The following PDE1C variants were observed in gnomAD, a reference collection of about 807,000 sequenced individuals.
The protein encoded by PDE1C is phosphodiesterase 1C, also known as dual specificity calcium/calmodulin-dependent 3',5'-cyclic nucleotide phosphodiesterase 1C.
PDE1C carries 62 observed loss-of-function variants against 93.1 expected under a neutral mutation model. That is an observed-to-expected ratio of 0.67 (90% CI 0.54 to 0.82). PDE1C has a LOEUF of 0.82. Among genes scored for constraint, PDE1C ranks in the 40% least tolerant of loss-of-function variants. The probability of loss-of-function intolerance (pLI) is 0.00; values close to 1 mark genes in which losing one functional copy is unlikely to be tolerated. For synonymous variants in PDE1C, 325 were observed against 310.1 expected (o/e 1.05, Z -0.50); for missense variants, 742 against 884.6 (o/e 0.84, Z 2.04).
chr7:32,331,249 G>T (rs1283053073), intron 1 of PDE1C, among the ~76,000 whole-genome samples: 1 of 152,192 alleles, frequency 6.6e-6, no homozygotes, highest in African/African-American at 2.4e-5. Flanking sequence ...CCACTTGAAA[G>T]AGGCACTGAG....
At chr7:32,253,718 G>A (rs1269588746) in intron 1 of PDE1C, among the ~76,000 whole-genome samples, 1 of 152,146 alleles carries the variant, frequency 6.6e-6, no homozygotes, top group African/African-American at 2.4e-5. Flanking sequence ...TTACAGACAT[G>A]GGGAGATGAT....
intron 1 of PDE1C, among the ~76,000 whole-genome samples, chr7:32,241,296 C>G (rs2159239): frequency 0.99 from 150,354 of 152,328 alleles, 74,241 homozygotes; most frequent in Middle Eastern, 1. Flanking sequence ...TTAACCTTGA[C>G]GCAGCACAGC....
upstream of PDE1C, chr7:32,071,064 G>C: frequency 5.1e-6 from 5 of 985,432 alleles, no homozygotes; most frequent in Non-Finnish European, 6.0e-6. Flanking sequence ...CTGTCACCGC[G>C]GGCGCGGAGG....
intron 1 of PDE1C, among the ~76,000 whole-genome samples, chr7:32,341,889 T>C (rs1219801352): frequency 6.6e-6 from 1 of 152,160 alleles, no homozygotes; most frequent in Non-Finnish European, 1.5e-5. Context: ...TTGAGCAACT[T>C]ATTTAAACTT....
intron 2 of PDE1C, among the ~76,000 whole-genome samples, chr7:32,026,242 C>T (rs1789421624): frequency 6.6e-6 from 1 of 152,108 alleles, no homozygotes; most frequent in African/African-American, 2.4e-5. Context: ...CTTTGGTTGC[C>T]AGCCCCACAG....
intron 1 of PDE1C, among the ~76,000 whole-genome samples, chr7:32,294,808 A>C (rs1275836175): frequency 6.6e-6 from 1 of 152,198 alleles, no homozygotes; most frequent in Non-Finnish European, 1.5e-5. Flanking sequence ...ACCTCACCAG[A>C]GTCAATTTAC....
intron 3 of PDE1C, among the ~76,000 whole-genome samples, chr7:32,085,771 G>C (rs1226712278): frequency 6.6e-6 from 1 of 151,708 alleles, no homozygotes; most frequent in Non-Finnish European, 1.5e-5. Context: ...TATCTCAATA[G>C]ATGCAGAAAA....
intron 2 of PDE1C, among the ~76,000 whole-genome samples, chr7:31,972,593 G>A (rs1055437359): frequency 2.6e-5 from 4 of 152,056 alleles, no homozygotes; most frequent in East Asian, 1.9e-4. Context: ...TGGACAAGAC[G>A]GCATAGACTC....
chr7:31,653,006 G>C, the PDE1C span: 1 of 1,417,862 alleles, frequency 7.1e-7, no homozygotes, highest in East Asian at 2.5e-5. Context: ...TACTCATTCA[G>C]TATAGAATAA....
intron 2 of PDE1C, among the ~76,000 whole-genome samples, chr7:31,936,061 T>C (rs1044543234): frequency 6.6e-6 from 1 of 152,202 alleles, no homozygotes. Context: ...CATTTCCCAC[T>C]TTTACTCCAA....
At chr7:31,680,644 G>A in the PDE1C span, among the ~76,000 whole-genome samples, 1 of 152,164 alleles carries the variant, frequency 6.6e-6, no homozygotes, top group Non-Finnish European at 1.5e-5. Flanking sequence ...GAGTAACTGT[G>A]GCCCTTTGGA....
chr7:31,828,383 T>C lies in PDE1C; in HGVS notation c.1204-10A>G, dbSNP rs1319128927. On this transcript the variant is annotated splice_polypyrimidine_tract_variant and intron_variant, in intron 11 of 17. Transcript: ENST00000396191. ...CTGCTTCTCTGTCACCCTGGAAAAA[T>C]AAAAGGTCATAGTAAATTAAGGAAC... 6.2e-7 allele frequency: 1 copy of C among 1,609,144 alleles called. No homozygotes were observed. The highest frequency in any genetic ancestry group is 1.7e-5 in the Admixed American group (1 of 59,792).
chr7:31,668,510 T>C, the PDE1C span, among the ~76,000 whole-genome samples: 12 of 151,708 alleles, frequency 7.9e-5, no homozygotes, highest in Admixed American at 2.6e-4. Flanking sequence ...AAAAAGGAAA[T>C]ACTGATATCT....
At chr7:31,657,056 C>T in the PDE1C span, among the ~76,000 whole-genome samples, 1 of 50,274 alleles carries the variant, frequency 2.0e-5, no homozygotes, top group Non-Finnish European at 4.1e-5. Context: ...CACACACACG[C>T]ACTATATATA....
At chr7:31,931,780 A>G (rs1020062816) in intron 2 of PDE1C, among the ~76,000 whole-genome samples, 5 of 152,266 alleles carry the variant, frequency 3.3e-5, no homozygotes, top group African/African-American at 4.8e-5. Context: ...CATATAGCCA[A>G]GACAATCCAA....
chr7:31,981,586 C>T (rs766997346), intron 2 of PDE1C, among the ~76,000 whole-genome samples: 2 of 152,178 alleles, frequency 1.3e-5, no homozygotes, highest in Non-Finnish European at 2.9e-5. Context: ...TTATGATCTA[C>T]AGTTTATCCC....
chr7:31,789,625 C>G (rs1784363846), intron 16 of PDE1C: 1 of 945,672 alleles, frequency 1.1e-6, no homozygotes. Context: ...AGAAAACAAA[C>G]AGAATTCTGT....
intron 3 of PDE1C, among the ~76,000 whole-genome samples, chr7:32,124,922 G>A (rs932464271): frequency 2.0e-5 from 3 of 152,284 alleles, no homozygotes; most frequent in Non-Finnish European, 2.9e-5. Flanking sequence ...ACTATCATTA[G>A]AGTAAACAGG....
At chr7:31,749,095 G>A (rs913182474), downstream of PDE1C, among the ~76,000 whole-genome samples, 2 of 152,130 alleles carry the variant, frequency 1.3e-5, no homozygotes, top group African/African-American at 2.4e-5. Context: ...ATGCTGGAGT[G>A]TCTGTTCTAT....
Sources: gnomAD v4.1 joint callset for allele counts (sites outside exome capture counted in the v4.1 genomes callset) on GRCh38, gnomAD v4.1.1 for gene constraint, MANE v1.5 for transcripts, NCBI Gene and HGNC (gene_info 2026-07-23, HGNC 2026-07-21) for gene names.